The following CFAP54 variants were observed in gnomAD, a reference collection of about 807,000 sequenced individuals.
CFAP54 encodes cilia- and flagella-associated protein 54.
In CFAP54, 290 loss-of-function variants were observed where a neutral mutation model predicts 370.4. The ratio of observed to expected loss-of-function variants is 0.78; its 90% CI spans 0.71 to 0.86. The LOEUF is 0.86. Ranked by LOEUF, CFAP54 falls within the 40% of genes least tolerant of loss-of-function variation. The probability of loss-of-function intolerance (pLI) is 0.00; values close to 1 mark genes in which losing one functional copy is unlikely to be tolerated. For synonymous variants in CFAP54, 1,206 were observed against 1,236.5 expected (o/e 0.98, Z 0.52); for missense variants, 3,399 against 3,528.7 (o/e 0.96, Z 0.93).
chr12:96,792,556 C>A, intron 63 of CFAP54, 57 bp downstream of exon 63: 2 of 1,338,742 alleles, frequency 1.5e-6, no homozygotes, highest in Non-Finnish European at 2.0e-6. Flanking sequence ...CTTAACTAAA[C>A]CATTATAACT....
intron 64 of CFAP54, among the ~76,000 whole-genome samples, chr12:96,817,023 C>T (rs1285642167): frequency 1.3e-5 from 2 of 152,160 alleles, no homozygotes; most frequent in South Asian, 2.1e-4. Flanking sequence ...GTTATGGGTC[C>T]GTTGACTGAC....
chr12:96,606,765 C>T (rs888126662), intron 26 of CFAP54, among the ~76,000 whole-genome samples: 5 of 152,136 alleles, frequency 3.3e-5, no homozygotes, highest in Non-Finnish European at 7.4e-5. Context: ...ACCTTGGAAA[C>T]GAGAAGGAAC....
chr12:96,629,267 A>G (rs1956578370), intron 30 of CFAP54, among the ~76,000 whole-genome samples: 1 of 152,112 alleles, frequency 6.6e-6, no homozygotes, highest in Admixed American at 6.5e-5. Context: ...CGATTATAAT[A>G]TACAACATAT....
chr12:96,784,124 G>A (rs1384943654), intron 60 of CFAP54, among the ~76,000 whole-genome samples: 2 of 152,136 alleles, frequency 1.3e-5, no homozygotes, highest in African/African-American at 2.4e-5. Flanking sequence ...AACACTTTGT[G>A]CAAAACTCTT....
At chr12:96,575,006 T>A (rs2136420293) in intron 19 of CFAP54, among the ~76,000 whole-genome samples, 1 of 152,276 alleles carries the variant, frequency 6.6e-6, no homozygotes, top group East Asian at 1.9e-4. Context: ...GACACTTTTA[T>A]ATGAAACAAT....
At chr12:96,612,523 A>G (rs1269941138) in intron 26 of CFAP54, among the ~76,000 whole-genome samples, 2 of 152,214 alleles carry the variant, frequency 1.3e-5, no homozygotes, top group Admixed American at 6.5e-5. Context: ...AACATGATCA[A>G]ATTCACACAT....
chr12:96,658,504 G>A (rs923597986), intron 38 of CFAP54, among the ~76,000 whole-genome samples, 158 bp downstream of exon 38: 16 of 152,154 alleles, frequency 1.1e-4, no homozygotes, highest in African/African-American at 3.9e-4. Context: ...ATTATTGAGA[G>A]CCTGCAGTCA....
chr12:96,684,669 A>C lies in CFAP54; in HGVS notation c.5738A>C (p.Gln1913Pro), dbSNP rs751731473. ...ATAGATGTTCTCCAAGCCAGCAATC[A>C]AAGAAGTCTTAAAGTTCAGGCGTTG... ...QTQDVLQASN[Q>P]RSLKVQALHS... is the part of the protein sequence containing the mutation. Residue 1913 changes from glutamine (Q) to proline (P), a missense_variant, in exon 41 of 68, where the codon CAA becomes CCA. Physicochemically the swap from Gln to Pro is moderately conservative, Grantham distance 76. Around this residue, in one of 3 missense-constraint regions of CFAP54, gnomAD observed 2,796 missense variants for 2,869.7 expected, o/e 0.97. Coordinates refer to ENST00000524981, the MANE Select transcript of CFAP54 (RefSeq NM_001306084.2). 3.1e-6 allele frequency: 5 copies of C among 1,612,408 alleles called. No homozygotes were observed. The highest frequency in any genetic ancestry group is 4.2e-6 in the Non-Finnish European group (5 of 1,179,368).
At chr12:96,752,653 CTG>C (rs1464651618) in intron 55 of CFAP54, among the ~76,000 whole-genome samples, 1 of 152,196 alleles carries the variant, frequency 6.6e-6, no homozygotes, top group African/African-American at 2.4e-5. Flanking sequence ...GCCACATTCT[CTG>C]GGATGGTTTC....
At chr12:96,682,452 C>T (rs1379540212) in intron 40 of CFAP54, 5 of 314,436 alleles carry the variant, frequency 1.6e-5, no homozygotes, top group Non-Finnish European at 1.8e-5. Context: ...ACTGTGTGAT[C>T]ACAGCCTCAA....
intron 33 of CFAP54, among the ~76,000 whole-genome samples, chr12:96,644,966 A>C (rs770794017): frequency 2.2e-4 from 33 of 152,196 alleles, no homozygotes; most frequent in Non-Finnish European, 3.8e-4. Context: ...TGATAATTTG[A>C]TTGTAGCTTG....
chr12:96,524,966 T>TTTTC (rs748575208), intron 8 of CFAP54, among the ~76,000 whole-genome samples: 7 of 152,144 alleles, frequency 4.6e-5, no homozygotes, highest in Non-Finnish European at 1.0e-4. Context: ...TGCTTATTTT[T>TTTTC]TTTCTTTCTT....
At chr12:96,682,114 T>G in intron 40 of CFAP54, 1 of 918,586 alleles carries the variant, frequency 1.1e-6, no homozygotes, top group Non-Finnish European at 1.3e-6. Flanking sequence ...TTAAATTGAT[T>G]TATTATTATT....
chr12:96,627,501 C>A (rs533009871), intron 30 of CFAP54, among the ~76,000 whole-genome samples: 2 of 152,160 alleles, frequency 1.3e-5, no homozygotes, highest in Non-Finnish European at 2.9e-5. Context: ...TGAGAGTGGG[C>A]TTTTCTTCAC....
intron 26 of CFAP54, among the ~76,000 whole-genome samples, chr12:96,615,285 G>A (rs1213110244): frequency 1.3e-5 from 2 of 152,204 alleles, no homozygotes; most frequent in African/African-American, 4.8e-5. Flanking sequence ...TTAATAAATG[G>A]TGCTGGGAAA....
chr12:96,496,711 G>T (rs891810902), intron 1 of CFAP54, among the ~76,000 whole-genome samples: 2 of 152,076 alleles, frequency 1.3e-5, no homozygotes, highest in Non-Finnish European at 2.9e-5. Context: ...AGTGGGGGAG[G>T]GGTCACAAAT....
chr12:96,744,952 T>C (rs1460859323), intron 55 of CFAP54, among the ~76,000 whole-genome samples: 2 of 152,220 alleles, frequency 1.3e-5, no homozygotes, highest in Non-Finnish European at 2.9e-5. Context: ...ATGTGGTGTT[T>C]GGTTTTCTGT....
At chr12:96,701,538 A>G (rs1239666410) in intron 46 of CFAP54, among the ~76,000 whole-genome samples, 1 of 151,994 alleles carries the variant, frequency 6.6e-6, no homozygotes, top group African/African-American at 2.4e-5. Context: ...ACAGCTGTCA[A>G]GGACAGTCAA....
At chr12:96,495,238 CTCCTTCCT>C (rs58756915) in intron 1 of CFAP54, among the ~76,000 whole-genome samples, 13,451 of 132,954 alleles carry the variant, frequency 0.1, 798 homozygotes, top group Admixed American at 0.15. Flanking sequence ...CTTTTCTTTT[CTCCTTCCT>C]TCCTTCCTTC....
Sources: allele counts gnomAD v4.1 joint callset (sites outside exome capture counted in the v4.1 genomes callset), GRCh38; gene constraint gnomAD v4.1.1; regional missense constraint gnomAD v4.1.1; transcripts MANE v1.5; gene names NCBI Gene and HGNC (gene_info 2026-07-23, HGNC 2026-07-21).